Variants in QRICH1 observed in about 807,000 individuals in gnomAD.
QRICH1 encodes transcriptional regulator QRICH1.
A neutral mutation model predicts 87.1 loss-of-function variants in QRICH1; 16 were observed. The ratio of observed to expected loss-of-function variants is 0.18; its 90% confidence interval spans 0.12 to 0.28. The LOEUF is 0.28. Ranked by LOEUF, QRICH1 falls within the 10% of genes least tolerant of loss-of-function variation. The pLI, the probability that QRICH1 is intolerant of heterozygous loss-of-function variation, is 1.00. For missense variants in QRICH1, 647 were observed against 951.7 expected (o/e 0.68, Z 4.21); for synonymous variants, 367 against 368.4 (o/e 1.00, Z 0.05).
chr3:49,052,561 A>G (rs537722727), intron 3 of QRICH1, among the ~76,000 whole-genome samples: 4 of 152,320 alleles, frequency 2.6e-5, no homozygotes, highest in Non-Finnish European at 5.9e-5. Context: ...GCTGGAGTGC[A>G]GTGGCGCGAT....
intron 1 of QRICH1, among the ~76,000 whole-genome samples, chr3:49,085,953 A>G (rs943792629): frequency 1.3e-5 from 2 of 152,102 alleles, no homozygotes; most frequent in Non-Finnish European, 2.9e-5. Context: ...AAGAAGCAAT[A>G]AAGAAATTAA....
intron 3 of QRICH1, among the ~76,000 whole-genome samples, chr3:49,048,751 G>A (rs2093353039): frequency 8.2e-6 from 1 of 122,346 alleles, no homozygotes; most frequent in African/African-American, 3.2e-5. Context: ...TCGCACCACT[G>A]TACTCCAGCC....
chr3:49,060,519 G>A (rs375813858), intron 2 of QRICH1, among the ~76,000 whole-genome samples: 3,868 of 151,672 alleles, frequency 0.026, 56 homozygotes, highest in Middle Eastern at 0.082. Flanking sequence ...TAGTAGAGAC[G>A]GGGTTTCACC....
Position 49,043,682 on chromosome 3 carries a change from C to T in QRICH1, c.1786+708G>A, listed in dbSNP as rs2093323617. ...TCTCTACTAAAAATACAAAAATTAG[C>T]AGGGCATGATGGCACATGCCTGTAA... is the stretch of plus-strand genomic sequence containing the variant. On this transcript the variant is annotated intron_variant, in intron 6 of 9. Transcript: ENST00000395443. Among the ~76,000 whole-genome samples, 8 of 152,076 alleles carry T rather than the reference C, an allele frequency of 5.3e-5. 1 individual carries two copies. The South Asian group carries it at 1.7e-3, about 32-fold the overall frequency.
rs181937030 is a variant in QRICH1, at chr3:49,030,143, C to G, written c.*309G>C. 14 of 435,522 alleles carry G rather than the reference C, an allele frequency of 3.2e-5. No homozygotes were observed. The East Asian group carries it at 4.3e-4, about 13-fold the overall frequency. 27.0% of individuals were successfully genotyped at this position (435,522 alleles called of 1,614,324 possible). On this transcript the variant is annotated 3_prime_UTR_variant, in exon 10 of 10. Transcript: ENST00000395443. ...ATCTCTCTTGAAGATGGAAAGGGGC[C>G]ACATTTCTTTTCACAGTCCAAGCCC...
chr3:49,044,623 A>C, intron 5 of QRICH1, 119 bp from the exon 6 acceptor site: 1 of 644,872 alleles, frequency 1.6e-6, no homozygotes, highest in Non-Finnish European at 2.6e-6. Context: ...CACCTCAACA[A>C]ACCAAGGCAC....
chr3:49,040,395 C>T (rs990391729), intron 6 of QRICH1, among the ~76,000 whole-genome samples: 3 of 152,138 alleles, frequency 2.0e-5, no homozygotes, highest in Non-Finnish European at 4.4e-5. Context: ...ATAGCTGGAG[C>T]CCAGGAGTTG....
chr3:49,070,024 G>A (rs959081252), intron 2 of QRICH1, among the ~76,000 whole-genome samples: 3 of 151,290 alleles, frequency 2.0e-5, no homozygotes, highest in Admixed American at 1.3e-4. Flanking sequence ...TTTCCTACAC[G>A]CATTTGTCAC....
At position 49,030,626 on chromosome 3, in the gene QRICH1, G is replaced by T; in HGVS notation, c.2157C>A (p.Gly719=). The T allele has an allele frequency of 6.3e-7, 1 of 1,586,106 alleles. No homozygotes were observed. Among genetic ancestry groups the T allele is most frequent in the Non-Finnish European group, 8.6e-7 (1 of 1,164,930 alleles). Residue 719 remains glycine (G), a synonymous_variant, in exon 10 of 10, where the codon GGC becomes GGA. Transcript: ENST00000395443. Reference sequence around the variant, plus strand: ...GTGTCAGGTAAAAGGTGTCATTCCGGCCTTTCACACTCTGGGGGCTGAAGA... The same window carrying T: ...GTGTCAGGTAAAAGGTGTCATTCCGTCCTTTCACACTCTGGGGGCTGAAGA... ...YLFKCPQSVK[G]RNDTFYLTPE...
intron 9 of QRICH1, among the ~76,000 whole-genome samples, chr3:49,031,060 C>T (rs1408590236): frequency 6.7e-6 from 1 of 148,528 alleles, no homozygotes; most frequent in Non-Finnish European, 1.5e-5. Context: ...GATCTCAGCT[C>T]ACTGCAACCT....
chr3:49,050,338 G>A (rs577200578), intron 3 of QRICH1, among the ~76,000 whole-genome samples: 15 of 146,354 alleles, frequency 1.0e-4, no homozygotes, highest in Middle Eastern at 7.0e-3. Flanking sequence ...CAGGAGAATC[G>A]CTTGAACCTG....
At chr3:49,086,785 AT>A (rs1445694985) in intron 1 of QRICH1, 1 of 151,976 alleles carries the variant, frequency 6.6e-6, no homozygotes, top group African/African-American at 2.4e-5. Context: ...TGGGTTTCTT[AT>A]CCCTGATACC....
chr3:49,083,551 T>G (rs1490176272), intron 1 of QRICH1: 1 of 151,980 alleles, frequency 6.6e-6, no homozygotes, highest in Non-Finnish European at 1.5e-5. Context: ...ATAGTAATAA[T>G]TTAAAAGACA....
intron 2 of QRICH1, among the ~76,000 whole-genome samples, chr3:49,067,195 T>C (rs1383296328): frequency 6.6e-6 from 1 of 152,078 alleles, no homozygotes; most frequent in Non-Finnish European, 1.5e-5. Flanking sequence ...ACTCCAGAAA[T>C]AAACAAAATT....
chr3:49,056,313 T>G (rs1156619468), intron 3 of QRICH1, among the ~76,000 whole-genome samples: 1 of 152,102 alleles, frequency 6.6e-6, no homozygotes, highest in Non-Finnish European at 1.5e-5. Context: ...TCCCACCACA[T>G]AGACGGCATA....
At chr3:49,034,150 T>A (rs1404542721) in intron 6 of QRICH1, among the ~76,000 whole-genome samples, 4 of 151,312 alleles carry the variant, frequency 2.6e-5, no homozygotes, top group Admixed American at 6.6e-5. Flanking sequence ...TATCTTTTTT[T>A]AAAAAAGGAA....
intron 1 of QRICH1, 119 bp downstream of exon 1, chr3:49,093,793 C>G (rs2107075161): frequency 2.8e-6 from 1 of 363,504 alleles, no homozygotes; most frequent in African/African-American, 2.1e-5. Flanking sequence ...GGAGCCGCCC[C>G]GAACTCTCCA....
chr3:49,063,896 A>T (rs1423720862), intron 2 of QRICH1, among the ~76,000 whole-genome samples: 2 of 152,064 alleles, frequency 1.3e-5, no homozygotes, highest in East Asian at 3.9e-4. Context: ...TAAAACTAGG[A>T]ATTTAATTTT....
chr3:49,088,190 T>C (rs1432827731), intron 1 of QRICH1, among the ~76,000 whole-genome samples: 2 of 152,104 alleles, frequency 1.3e-5, no homozygotes, highest in Non-Finnish European at 2.9e-5. Flanking sequence ...CCTGACCTCA[T>C]GATCTGCCCG....
Sources: gnomAD v4.1 joint callset for allele counts (sites outside exome capture counted in the v4.1 genomes callset) on GRCh38, gnomAD v4.1.1 for gene constraint, MANE v1.5 for transcripts, NCBI Gene and HGNC (gene_info 2026-07-23, HGNC 2026-07-21) for gene names.